The following RALGAPA2 variants were observed in gnomAD, a reference collection of about 807,000 sequenced individuals.
The protein encoded by RALGAPA2 is Ral GTPase activating protein catalytic subunit alpha 2.
Under a neutral mutation model 230.4 loss-of-function variants are expected in RALGAPA2, and 139 were observed. The ratio of observed to expected loss-of-function variants is 0.60; its 90% CI spans 0.53 to 0.69. The LOEUF (loss-of-function observed/expected upper bound fraction) is 0.69. Among genes scored for constraint, RALGAPA2 ranks in the 30% least tolerant of loss-of-function variants. The pLI is 0.00. For synonymous variants in RALGAPA2, 847 were observed against 837.8 expected (o/e 1.01, Z -0.19); for missense variants, 2,163 against 2,276.0 (o/e 0.95, Z 1.01).
chr20:20,616,150 T>C lies in RALGAPA2; in HGVS notation c.1581A>G (p.Pro527=), dbSNP rs78102346. Reference sequence around the variant, plus strand: ...TCAAGAGCACAGGAACTTCAGCACATGGTTCCAACAAAAAGATGTTTGCAG... The same window carrying C: ...TCAAGAGCACAGGAACTTCAGCACACGGTTCCAACAAAAAGATGTTTGCAG... ...TNSANIFLLE[P]CAEVPVLLKE... is the part of the protein sequence containing the mutation. The change falls in exon 13 of 40, where the codon CCA becomes CCG. Residue 527 remains proline, a synonymous_variant. Transcript: ENST00000202677. 2,606 of 1,546,664 alleles carry C rather than the reference T, an allele frequency of 1.7e-3. 41 individuals carry two copies. In the African/African-American group the frequency reaches 0.031, roughly 18 times the overall value.
chr20:20,557,197 CTA>C (rs1399351429), intron 23 of RALGAPA2, among the ~76,000 whole-genome samples: 1 of 152,088 alleles, frequency 6.6e-6, no homozygotes, highest in Non-Finnish European at 1.5e-5. Context: ...GTAATCCCAG[CTA>C]CTCAGTAGGC....
At chr20:20,395,303 G>A (rs1251835813) in intron 39 of RALGAPA2, among the ~76,000 whole-genome samples, 4 of 152,248 alleles carry the variant, frequency 2.6e-5, no homozygotes, top group African/African-American at 7.2e-5. Context: ...ACAGCACCCC[G>A]TGGTGGGGAG....
At chr20:20,431,789 C>T (rs565874794) in intron 37 of RALGAPA2, among the ~76,000 whole-genome samples, 1 of 152,300 alleles carries the variant, frequency 6.6e-6, no homozygotes, top group South Asian at 2.1e-4. Flanking sequence ...CACAACATCA[C>T]ACTGTACCCC....
chr20:20,458,826 A>ATATATATAGACC (rs1569418132), intron 37 of RALGAPA2, among the ~76,000 whole-genome samples: 904 of 6,366 alleles, frequency 0.14, 1 homozygote, highest in South Asian at 0.18. Context: ...ATAGACCTAT[A>ATATATATAGACC]TATATATATA....
intron 36 of RALGAPA2, among the ~76,000 whole-genome samples, chr20:20,492,983 TATTA>T (rs1193031466): frequency 6.6e-6 from 1 of 152,210 alleles, no homozygotes; most frequent in African/African-American, 2.4e-5. Flanking sequence ...ATAATGAAGC[TATTA>T]ATGCTAAATC....
chr20:20,700,026 G>T (rs140769567), intron 1 of RALGAPA2, among the ~76,000 whole-genome samples: 1 of 152,124 alleles, frequency 6.6e-6, no homozygotes, highest in Non-Finnish European at 1.5e-5. Context: ...ATTGCCATGC[G>T]ATTCACAACA....
At position 20,702,402 on chromosome 20, in the gene RALGAPA2, G is replaced by A. The variant is rs571966138; in HGVS notation, c.106+9973C>T. Among the ~76,000 whole-genome samples, 10 of 152,308 alleles carry A rather than the reference G, an allele frequency of 6.6e-5. No homozygotes were observed. The South Asian group carries it at 2.1e-3, about 32-fold the overall frequency. On this transcript the variant is annotated intron_variant, in intron 1 of 39. Coordinates refer to ENST00000202677, the MANE Select transcript of RALGAPA2 (RefSeq NM_020343.4). ...GCAGGGAGAGGATTTAGACCACGAT[G>A]CAGGTCTGACCCCTGGGAAGGAGAA... is the stretch of plus-strand genomic sequence containing the variant.
chr20:20,443,025 A>G (rs2060773501), intron 37 of RALGAPA2, among the ~76,000 whole-genome samples: 1 of 152,242 alleles, frequency 6.6e-6, no homozygotes, highest in South Asian at 2.1e-4. Context: ...ATGATACTTA[A>G]CCACTGATAC....
At chr20:20,404,883 A>G (rs1430810640) in intron 38 of RALGAPA2, among the ~76,000 whole-genome samples, 1 of 152,222 alleles carries the variant, frequency 6.6e-6, no homozygotes, top group South Asian at 2.1e-4. Flanking sequence ...TCACACTTCA[A>G]AATGAATGAT....
intron 4 of RALGAPA2, among the ~76,000 whole-genome samples, chr20:20,650,477 C>T (rs758826362): frequency 6.6e-6 from 1 of 152,134 alleles, no homozygotes; most frequent in Admixed American, 6.6e-5. Context: ...AGAAGCATAC[C>T]GCATCAGTGG....
intron 3 of RALGAPA2, among the ~76,000 whole-genome samples, chr20:20,664,611 T>C (rs2067895109): frequency 6.6e-6 from 1 of 152,226 alleles, no homozygotes; most frequent in Non-Finnish European, 1.5e-5. Flanking sequence ...CAAGTTTCTA[T>C]TTTCTGCCTG....
At chr20:20,525,032 C>T (rs1447186618) in intron 28 of RALGAPA2, 134 bp from the exon 29 acceptor site, 1 of 697,558 alleles carries the variant, frequency 1.4e-6, no homozygotes, top group African/African-American at 1.8e-5. Flanking sequence ...TGATAAAAAG[C>T]AGAGGGCCAG....
chr20:20,704,770 T>A (rs1472249632), intron 1 of RALGAPA2, among the ~76,000 whole-genome samples: 1 of 152,166 alleles, frequency 6.6e-6, no homozygotes, highest in Non-Finnish European at 1.5e-5. Flanking sequence ...CTCTTCTGCT[T>A]AAAACCCTTC....
At chr20:20,488,975 T>C (rs1194487287) in intron 36 of RALGAPA2, among the ~76,000 whole-genome samples, 1 of 152,194 alleles carries the variant, frequency 6.6e-6, no homozygotes, top group African/African-American at 2.4e-5. Flanking sequence ...TCGACATTTC[T>C]AGAATAAGAT....
intron 2 of RALGAPA2, among the ~76,000 whole-genome samples, chr20:20,678,674 A>G (rs757896692): frequency 1.3e-5 from 2 of 152,070 alleles, no homozygotes; most frequent in Non-Finnish European, 2.9e-5. Context: ...AAACAGGCCA[A>G]TGCATTCCTC....
At chr20:20,562,875 G>A (rs1393747468) in intron 23 of RALGAPA2, among the ~76,000 whole-genome samples, 3 of 152,104 alleles carry the variant, frequency 2.0e-5, no homozygotes, top group Non-Finnish European at 4.4e-5. Context: ...TTTATTTTTG[G>A]TGCAGTCATC....
chr20:20,639,859 T>C lies in RALGAPA2; in HGVS notation c.592A>G (p.Ile198Val), dbSNP rs747898918. ...TCCTCAGCAATCTTCTCCCCTGATA[T>C]GGCTGGTAGGAGTGGAGTGATTTCT... ...PEEITPLLPA[I>V]SGEKIAEDQT... Residue 198 changes from isoleucine (I) to valine (V), a missense_variant, in exon 7 of 40, where the codon ATA (isoleucine) becomes GTA (valine). By Grantham distance (29) the Ile-to-Val change is conservative. Coordinates refer to ENST00000202677, the MANE Select transcript of RALGAPA2 (RefSeq NM_020343.4). 44 of 1,613,640 alleles carry C rather than the reference T, an allele frequency of 2.7e-5. No homozygotes were observed. The highest frequency in any genetic ancestry group is 3.3e-5 in the Non-Finnish European group (39 of 1,179,644).
At chr20:20,597,830 T>C (rs975680531) in intron 16 of RALGAPA2, among the ~76,000 whole-genome samples, 1 of 151,822 alleles carries the variant, frequency 6.6e-6, no homozygotes, top group Admixed American at 6.6e-5. Flanking sequence ...CAGAGAGAGA[T>C]TCTGTCTCAA....
intron 14 of RALGAPA2, among the ~76,000 whole-genome samples, chr20:20,609,566 C>T (rs186183864): frequency 6.6e-6 from 1 of 152,250 alleles, no homozygotes; most frequent in East Asian, 1.9e-4. Context: ...ATCCGAACCC[C>T]AGAATAGATA....
Sources: gnomAD v4.1 joint callset for allele counts (sites outside exome capture counted in the v4.1 genomes callset) on GRCh38, gnomAD v4.1.1 for gene constraint, MANE v1.5 for transcripts, NCBI Gene and HGNC (gene_info 2026-07-23, HGNC 2026-07-21) for gene names.